Variants in HPSE2 observed in about 807,000 individuals in gnomAD.
HPSE2 encodes heparanase 2 (inactive), also known as inactive heparanase-2.
In HPSE2, 38 loss-of-function variants were observed where a neutral mutation model predicts 60.5. That is an observed-to-expected ratio of 0.63 (90% CI 0.48 to 0.82). HPSE2 has a LOEUF of 0.82. HPSE2 is among the 40% of genes least tolerant of loss of function. The probability of loss-of-function intolerance (pLI) is 0.00; values close to 1 mark genes in which losing one functional copy is unlikely to be tolerated. For synonymous variants in HPSE2, 295 were observed against 293.2 expected (o/e 1.01, Z -0.06); for missense variants, 713 against 740.4 (o/e 0.96, Z 0.43).
intron 3 of HPSE2, chr10:99,048,342 A>G (rs1053101062): frequency 5.5e-6 from 2 of 362,666 alleles, no homozygotes; most frequent in Non-Finnish European, 5.1e-6. Context: ...TGGTCAGTTA[A>G]TAAATAGTAC....
chr10:99,309,428 G>A, the HPSE2 span, among the ~76,000 whole-genome samples: 1 of 152,080 alleles, frequency 6.6e-6, no homozygotes, highest in Non-Finnish European at 1.5e-5. Context: ...TTGTGAAAAG[G>A]TACTCAACTT....
the HPSE2 span, among the ~76,000 whole-genome samples, chr10:99,299,858 A>C: frequency 3.9e-5 from 6 of 152,104 alleles, no homozygotes; most frequent in Non-Finnish European, 5.9e-5. Flanking sequence ...TTACAGACCC[A>C]GACTCCCCAG....
At chr10:98,892,536 C>T (rs574199524) in intron 3 of HPSE2, among the ~76,000 whole-genome samples, 7 of 152,248 alleles carry the variant, frequency 4.6e-5, no homozygotes, top group Admixed American at 6.5e-5. Flanking sequence ...TCCCAATCTA[C>T]GAACTCTCAG....
At chr10:99,163,077 G>A (rs549655315) in intron 2 of HPSE2, among the ~76,000 whole-genome samples, 2 of 152,154 alleles carry the variant, frequency 1.3e-5, no homozygotes, top group East Asian at 3.9e-4. Flanking sequence ...CAGGCATGGT[G>A]GCAGACGCCT....
At chr10:98,765,094 C>T (rs1471104411) in intron 3 of HPSE2, among the ~76,000 whole-genome samples, 1 of 152,144 alleles carries the variant, frequency 6.6e-6, no homozygotes, top group Non-Finnish European at 1.5e-5. Context: ...ATGGAGACTT[C>T]AACACTTCTC....
At chr10:99,168,019 T>C (rs1327914513) in intron 2 of HPSE2, among the ~76,000 whole-genome samples, 2 of 151,908 alleles carry the variant, frequency 1.3e-5, no homozygotes, top group African/African-American at 4.8e-5. Flanking sequence ...GCTGAGAGTT[T>C]TTATCATGAA....
intron 3 of HPSE2, among the ~76,000 whole-genome samples, chr10:99,138,325 C>G (rs1213368280): frequency 6.6e-6 from 1 of 152,148 alleles, no homozygotes; most frequent in African/African-American, 2.4e-5. Context: ...TTGTGGAAGA[C>G]AGTGTGGCAA....
intron 3 of HPSE2, among the ~76,000 whole-genome samples, chr10:99,089,947 G>T (rs1843454934): frequency 6.6e-6 from 1 of 152,072 alleles, no homozygotes; most frequent in Non-Finnish European, 1.5e-5. Context: ...TGTAAAAGGG[G>T]TTAAGCTCTT....
At chr10:98,990,452 C>T (rs910609584) in intron 3 of HPSE2, among the ~76,000 whole-genome samples, 49 of 152,282 alleles carry the variant, frequency 3.2e-4, no homozygotes, top group African/African-American at 1.1e-3. Context: ...CAGGCAGTAA[C>T]GCCAAGTGAT....
At chr10:99,231,016 A>G in intron 2 of HPSE2, among the ~76,000 whole-genome samples, 1 of 152,204 alleles carries the variant, frequency 6.6e-6, no homozygotes, top group East Asian at 1.9e-4. Flanking sequence ...ATACTTTCAT[A>G]GCAATGACTT....
At chr10:99,027,809 A>G (rs576386910) in intron 3 of HPSE2, among the ~76,000 whole-genome samples, 6 of 152,292 alleles carry the variant, frequency 3.9e-5, no homozygotes, top group Admixed American at 3.3e-4. Flanking sequence ...ATCATTCATC[A>G]TGATCAAGTG....
intron 3 of HPSE2, among the ~76,000 whole-genome samples, chr10:99,141,450 C>T (rs1845863743): frequency 2.0e-5 from 3 of 152,116 alleles, no homozygotes; most frequent in Non-Finnish European, 2.9e-5. Flanking sequence ...AAACCATTGA[C>T]ATGAAAACAT....
intron 3 of HPSE2, among the ~76,000 whole-genome samples, chr10:98,884,129 G>A (rs1012406944): frequency 6.6e-6 from 1 of 152,104 alleles, no homozygotes; most frequent in African/African-American, 2.4e-5. Flanking sequence ...ATTCCCTTAG[G>A]CAAAAGCCTA....
chr10:98,799,646 C>A (rs1950860983), intron 3 of HPSE2, among the ~76,000 whole-genome samples: 1 of 151,718 alleles, frequency 6.6e-6, no homozygotes, highest in Non-Finnish European at 1.5e-5. Flanking sequence ...GGACACTATA[C>A]AAACACATGG....
At chr10:98,885,857 G>GT (rs1953149300) in intron 3 of HPSE2, among the ~76,000 whole-genome samples, 2 of 152,114 alleles carry the variant, frequency 1.3e-5, no homozygotes. Flanking sequence ...CCAAACCTGT[G>GT]TATCTCTGAG....
At chr10:98,987,448 C>G (rs911209883) in intron 3 of HPSE2, among the ~76,000 whole-genome samples, 29 of 152,208 alleles carry the variant, frequency 1.9e-4, no homozygotes, top group Admixed American at 5.9e-4. Context: ...ATTCAACAAC[C>G]CTTCATGCTA....
rs145334506 is a variant in HPSE2, at chr10:98,937,130, C to A, written c.611-193074G>T. ...CCAAGATGGCTGAGTAGGAACAGCT[C>A]TGGTCTACAGCTCCCAGCGTTAAGC... is the stretch of plus-strand genomic sequence containing the variant. On this transcript the variant is annotated intron_variant, in intron 3 of 11. Coordinates refer to ENST00000370552, the MANE Select transcript of HPSE2 (RefSeq NM_021828.5). Among the ~76,000 whole-genome samples, 59 of 143,858 alleles carry A rather than the reference C, an allele frequency of 4.1e-4. 5 individuals are homozygous for A. The highest frequency in any genetic ancestry group is 1.8e-3 in the East Asian group (9 of 5,086). 94.4% of individuals were successfully genotyped at this position (143,858 alleles called of 152,430 possible). A position where few individuals can be genotyped will look rare whatever the true frequency, so the allele number is the denominator to read the frequency against.
chr10:99,100,156 AG>A (rs1305760376), intron 3 of HPSE2, among the ~76,000 whole-genome samples: 1 of 152,220 alleles, frequency 6.6e-6, no homozygotes, highest in African/African-American at 2.4e-5. Context: ...GACTTTGACA[AG>A]TTGAGAGAAG....
At chr10:99,118,160 C>T (rs554903358) in intron 3 of HPSE2, among the ~76,000 whole-genome samples, 43 of 152,114 alleles carry the variant, frequency 2.8e-4, no homozygotes, top group Non-Finnish European at 5.3e-4. Context: ...TCTCAATAGA[C>T]GCAGGAAAAG....
Sources: gnomAD v4.1 joint callset for allele counts (sites outside exome capture counted in the v4.1 genomes callset) on GRCh38, gnomAD v4.1.1 for gene constraint, MANE v1.5 for transcripts, NCBI Gene and HGNC (gene_info 2026-07-23, HGNC 2026-07-21) for gene names.